CEP192: variants seen among roughly 807,000 people sequenced by gnomAD.
The protein encoded by CEP192 is centrosomal protein of 192 kDa.
In CEP192, 151 loss-of-function variants were observed where a neutral mutation model predicts 271.8. The observed-to-expected ratio is 0.56, with a 90% CI of 0.49 to 0.64. CEP192 has a LOEUF of 0.64. Among genes scored for constraint, CEP192 ranks in the 30% least tolerant of loss-of-function variants. The probability of loss-of-function intolerance (pLI) is 0.00; values close to 1 mark genes in which losing one functional copy is unlikely to be tolerated. For missense variants in CEP192, 2,910 were observed against 3,020.5 expected (o/e 0.96, Z 0.86); for synonymous variants, 995 against 1,076.5 (o/e 0.92, Z 1.48).
chr18:13,001,468 T>C lies in CEP192; in HGVS notation c.176T>C (p.Ile59Thr), dbSNP rs1314528685. 1 of 1,541,852 alleles carries C rather than the reference T, an allele frequency of 6.5e-7. No individual in the cohort carries two copies. The highest frequency in any genetic ancestry group is 8.8e-7 in the Non-Finnish European group (1 of 1,141,128). Residue 59 changes from isoleucine to threonine, a missense_variant, in exon 3 of 45, where the codon ATC (isoleucine) becomes ACC (threonine). Ile to Thr is a moderately conservative substitution (Grantham distance 89). Coordinates refer to ENST00000506447, the MANE Select transcript of CEP192 (RefSeq NM_032142.4). Reference sequence around the variant, plus strand: ...TTTTTTTTGTATAGGTATCCTGATATCCAGGCATCTTACTTAGTAGAAGGG... The same window carrying C: ...TTTTTTTTGTATAGGTATCCTGATACCCAGGCATCTTACTTAGTAGAAGGG... ...RSSTDNRYPD[I>T]QASYLVEGRF... is the part of the protein sequence containing the mutation.
chr18:13,092,974 G>A (rs2039221851), intron 34 of CEP192, among the ~76,000 whole-genome samples: 3 of 151,984 alleles, frequency 2.0e-5, no homozygotes, highest in South Asian at 4.1e-4. Context: ...CTAACACAGT[G>A]AAACCCCGTC....
intron 18 of CEP192, among the ~76,000 whole-genome samples, chr18:13,055,527 C>T (rs2037046110): frequency 6.6e-6 from 1 of 152,118 alleles, no homozygotes; most frequent in African/African-American, 2.4e-5. Flanking sequence ...GCAAAATTTT[C>T]AGATATTCTT....
intron 38 of CEP192, among the ~76,000 whole-genome samples, chr18:13,101,432 G>A (rs1437810274): frequency 6.6e-6 from 1 of 152,124 alleles, no homozygotes; most frequent in Non-Finnish European, 1.5e-5. Context: ...CAGTAATGGT[G>A]ATATATGTAC....
At chr18:13,089,933 T>A (rs540658386) in intron 33 of CEP192, among the ~76,000 whole-genome samples, 291 of 152,366 alleles carry the variant, frequency 1.9e-3, no homozygotes, top group Admixed American at 3.9e-3. Flanking sequence ...AATTAATTGC[T>A]ACTTAGATTT....
At position 13,069,107 on chromosome 18, in the gene CEP192, A is replaced by G. The variant is rs2037872849; in HGVS notation, c.4981A>G (p.Lys1661Glu). The change falls in exon 26 of 45, where the codon AAA becomes GAA. Residue 1661 changes from lysine (K) to glutamate (E), a missense_variant. By Grantham distance (56) the Lys-to-Glu change is moderately conservative. Coordinates refer to ENST00000506447, the MANE Select transcript of CEP192 (RefSeq NM_032142.4). ...RDLQTMHFLA[K>E]VASSRKQHLP... Reference sequence around the variant, plus strand: ...CCTCCAGACGATGCATTTCTTGGCCAAAGTGGCTTCCTCAAGAAAGCAGCA... The same window carrying G: ...CCTCCAGACGATGCATTTCTTGGCCGAAGTGGCTTCCTCAAGAAAGCAGCA... 1.2e-6 allele frequency: 2 copies of G among 1,614,216 alleles called. No individual in the cohort carries two copies. Among genetic ancestry groups the G allele is most frequent in the Non-Finnish European group, 1.7e-6 (2 of 1,180,040 alleles).
intron 4 of CEP192, among the ~76,000 whole-genome samples, chr18:13,008,928 G>T (rs1207087627): frequency 6.6e-6 from 1 of 151,468 alleles, no homozygotes; most frequent in East Asian, 1.9e-4. Context: ...GGCTGGGCTC[G>T]AACGCCTGGA....
At chr18:13,119,878 G>A (rs913060160) in intron 44 of CEP192, among the ~76,000 whole-genome samples, 1 of 152,088 alleles carries the variant, frequency 6.6e-6, no homozygotes, top group African/African-American at 2.4e-5. Flanking sequence ...CTGTAGTTTT[G>A]ATAAAGCATC....
At chr18:13,050,896 T>G (rs1332964370) in intron 17 of CEP192, among the ~76,000 whole-genome samples, 2 of 152,164 alleles carry the variant, frequency 1.3e-5, no homozygotes, top group Non-Finnish European at 2.9e-5. Flanking sequence ...TTTTAACAGA[T>G]GTATTACCAG....
chr18:13,105,168 T>G (rs2039892765), intron 40 of CEP192, 89 bp downstream of exon 40: 1 of 888,896 alleles, frequency 1.1e-6, no homozygotes, highest in Admixed American at 1.7e-5. Context: ...TTGTTTCACC[T>G]GGAGCAGTGC....
intron 20 of CEP192, chr18:13,058,231 C>G (rs1405411627): frequency 6.6e-6 from 1 of 152,296 alleles, no homozygotes; most frequent in Non-Finnish European, 1.5e-5. Flanking sequence ...AGACAGATGT[C>G]TCTTACATGA....
At chr18:13,042,401 G>T in intron 15 of CEP192, 67 bp downstream of exon 15, 1 of 1,494,498 alleles carries the variant, frequency 6.7e-7, no homozygotes, top group Non-Finnish European at 9.2e-7. Flanking sequence ...GGATCAAGAC[G>T]AGATCACCTG....
chr18:13,095,731 C>A, intron 35 of CEP192, 50 bp downstream of exon 35: 1 of 1,520,100 alleles, frequency 6.6e-7, no homozygotes, highest in Non-Finnish European at 9.0e-7. Flanking sequence ...GCGTCCGGGC[C>A]TGCACTCCCA....
intron 44 of CEP192, among the ~76,000 whole-genome samples, chr18:13,123,036 C>T (rs1206539803): frequency 1.3e-5 from 2 of 152,256 alleles, no homozygotes; most frequent in East Asian, 3.9e-4. Flanking sequence ...TCACAATATA[C>T]TTAAATTTTC....
chr18:13,052,477 T>C (rs2036850208), intron 17 of CEP192, among the ~76,000 whole-genome samples: 1 of 152,214 alleles, frequency 6.6e-6, no homozygotes, highest in Admixed American at 6.5e-5. Flanking sequence ...CAAGAGGCCT[T>C]TGATATGTAC....
intron 21 of CEP192, among the ~76,000 whole-genome samples, chr18:13,063,640 G>A (rs2037527224): frequency 6.6e-6 from 1 of 151,950 alleles, no homozygotes; most frequent in Non-Finnish European, 1.5e-5. Flanking sequence ...TGGGTAGTTT[G>A]CAAATATTTT....
chr18:13,098,865 G>A (rs940885980), intron 36 of CEP192, among the ~76,000 whole-genome samples: 2 of 152,148 alleles, frequency 1.3e-5, no homozygotes, highest in Non-Finnish European at 2.9e-5. Context: ...CCGAAATCAC[G>A]CCACTGCACT....
In CEP192 at chr18:13,052,941, T is replaced by C; in HGVS notation, c.3040T>C (p.Ser1014Pro). ...CAGGTGTGCGTTAGAGTCCTTTGGT[T>C]CAGCAGCTCAGCAGCAGCAGCCTCC... is the stretch of plus-strand genomic sequence containing the variant. ...SSGCALESFG[S>P]AAQQQQPPCE... The change falls in exon 18 of 45, where the codon TCA becomes CCA. Residue 1014 changes from serine (S) to proline (P), a missense_variant. Coordinates refer to ENST00000506447, the MANE Select transcript of CEP192 (RefSeq NM_032142.4). 1 of 1,610,224 alleles carries C rather than the reference T, an allele frequency of 6.2e-7. No individual in the cohort carries two copies. The highest frequency in any genetic ancestry group is 2.2e-5 in the East Asian group (1 of 44,806).
At chr18:13,078,747 T>G (rs193173297) in intron 30 of CEP192, among the ~76,000 whole-genome samples, 2 of 152,192 alleles carry the variant, frequency 1.3e-5, no homozygotes, top group Admixed American at 1.3e-4. Context: ...AACTCGTCAT[T>G]TACGTTAGGT....
chr18:13,017,063 A>G (rs1309637123), intron 6 of CEP192, 125 bp from the exon 7 acceptor site: 1 of 678,528 alleles, frequency 1.5e-6, no homozygotes, highest in African/African-American at 1.8e-5. Flanking sequence ...TCTCATGTCA[A>G]ACAAAAAAGA....
Sources: allele counts gnomAD v4.1 joint callset (sites outside exome capture counted in the v4.1 genomes callset), GRCh38; gene constraint gnomAD v4.1.1; transcripts MANE v1.5; gene names NCBI Gene and HGNC (gene_info 2026-07-23, HGNC 2026-07-21).